Variants in DHTKD1 observed in about 807,000 individuals in gnomAD.
DHTKD1 encodes 2-oxoadipate dehydrogenase complex component E1.
In DHTKD1, 78 loss-of-function variants were observed where a neutral mutation model predicts 101.8. The ratio of observed to expected loss-of-function variants is 0.77; its 90% CI spans 0.64 to 0.93. The LOEUF is 0.93. Among genes scored for constraint, DHTKD1 ranks in the 40% least tolerant of loss-of-function variants. DHTKD1 has a pLI of 0.00. For missense variants in DHTKD1, 1,223 were observed against 1,161.7 expected (o/e 1.05, Z -0.77); for synonymous variants, 462 against 450.3 (o/e 1.03, Z -0.33).
rs995967919 is a variant in DHTKD1 at position 12,121,112 on chromosome 10, T to C, written c.*224T>C. ...GTGGGCACCTGTGATCCCAGCTTCC[T>C]GGGAGGCTGAGGCAAGAGAATCGCT... On this transcript the variant is annotated 3_prime_UTR_variant, in exon 17 of 17. Transcript: ENST00000263035. 3 of 400,646 alleles carry C rather than the reference T, an allele frequency of 7.5e-6. No individual in the cohort carries two copies. The highest frequency in any genetic ancestry group is 6.3e-5 in the South Asian group (3 of 47,522). 24.8% of individuals were successfully genotyped at this position (400,646 alleles called of 1,614,324 possible).
chr10:12,069,432 C>G (rs1438950227), intron 1 of DHTKD1, among the ~76,000 whole-genome samples: 1 of 151,908 alleles, frequency 6.6e-6, no homozygotes, highest in East Asian at 1.9e-4. Context: ...TCCCATCTTG[C>G]TGGTCCGGAC....
chr10:12,104,864 A>T (rs1833220449), intron 10 of DHTKD1, among the ~76,000 whole-genome samples: 2 of 150,346 alleles, frequency 1.3e-5, no homozygotes, highest in African/African-American at 4.9e-5. Context: ...TCAAACCAAG[A>T]TCAACAATTT....
intron 8 of DHTKD1, among the ~76,000 whole-genome samples, chr10:12,099,379 T>C (rs888570231): frequency 4.6e-5 from 7 of 152,050 alleles, no homozygotes; most frequent in Non-Finnish European, 1.5e-5. Flanking sequence ...CACGTGTTTG[T>C]TTTGCCTGTT....
intron 1 of DHTKD1, among the ~76,000 whole-genome samples, chr10:12,071,553 C>A (rs753857559): frequency 3.9e-5 from 6 of 152,134 alleles, no homozygotes; most frequent in Non-Finnish European, 7.4e-5. Context: ...GGGCGGATCA[C>A]CAGGTCAGGA....
chr10:12,072,329 G>A (rs1285124687), intron 1 of DHTKD1, among the ~76,000 whole-genome samples: 1 of 152,070 alleles, frequency 6.6e-6, no homozygotes, highest in Non-Finnish European at 1.5e-5. Flanking sequence ...TGACCTGGTG[G>A]TGTGTGCCTA....
At position 12,100,283 on chromosome 10, in the gene DHTKD1, TTCTG is replaced by T. The variant is rs781489771; in HGVS notation, c.1756+23_1756+26del. On this transcript the variant is annotated intron_variant, in intron 9 of 16. Coordinates refer to ENST00000263035, the MANE Select transcript of DHTKD1 (RefSeq NM_018706.7). ...TCAAGGTAAGAATTTTCTTTTTTTT[TTCTG>T]TTTTTTTTTTTTTTGAGTCTCACCC... 9 of 929,644 alleles carry T rather than the reference TTCTG, an allele frequency of 9.7e-6. No individual in the cohort carries two copies. In the African/African-American group the frequency reaches 1.8e-4, roughly 19 times the overall value. 57.6% of individuals were successfully genotyped at this position (929,644 alleles called of 1,614,324 possible).
Position 12,094,209 on chromosome 10 carries a change from G to A in DHTKD1, c.1296G>A (p.Gln432=), listed in dbSNP as rs1461664349. 5 of 1,614,098 alleles carry A rather than the reference G, an allele frequency of 3.1e-6. No homozygotes were observed. The highest frequency in any genetic ancestry group is 3.4e-6 in the Non-Finnish European group (4 of 1,180,052). Residue 432 remains glutamine (Q), a synonymous_variant, in exon 7 of 17, where the codon CAG becomes CAA. Transcript: ENST00000263035. ...DVIIDLLCYR[Q]WGHNELDEPF... ...TTATTGATCTGTTGTGCTACAGGCA[G>A]TGGGGCCACAATGAGCTGGATGAGC...
chr10:12,105,372 G>A (rs934108976), intron 10 of DHTKD1, among the ~76,000 whole-genome samples: 4 of 152,172 alleles, frequency 2.6e-5, no homozygotes, highest in Admixed American at 6.5e-5. Context: ...CTGGAGTGCA[G>A]TGGTGCGATT....
At chr10:12,117,420 G>T (rs951681255) in intron 13 of DHTKD1, among the ~76,000 whole-genome samples, 4 of 151,024 alleles carry the variant, frequency 2.6e-5, no homozygotes, top group Admixed American at 2.0e-4. Flanking sequence ...CTGGCCTCCA[G>T]CGATCCTCCT....
Position 12,122,955 on chromosome 10 carries a change from T to C in DHTKD1, c.*2067T>C, listed in dbSNP as rs555123426. 6.6e-6 allele frequency: 1 copy of C among 152,342 alleles called. No individual in the cohort carries two copies. The highest frequency in any genetic ancestry group is 2.4e-5 in the African/African-American group (1 of 41,588). 9.4% of individuals were successfully genotyped at this position (152,342 alleles called of 1,614,324 possible). On this transcript the variant is annotated 3_prime_UTR_variant, in exon 17 of 17. Transcript: ENST00000263035. Reference sequence around the variant, plus strand: ...ATGTCTTTCAGAATCCATGTACATATAGGCTGTTCTAGCCACAGTGGTAGA... The same window carrying C: ...ATGTCTTTCAGAATCCATGTACATACAGGCTGTTCTAGCCACAGTGGTAGA...
rs751037184 is a variant in DHTKD1, at chr10:12,094,120, G to A, written c.1207G>A (p.Glu403Lys). Residue 403 changes from glutamate (E) to lysine (K), a missense_variant, in exon 7 of 17, where the codon GAG (glutamate) becomes AAG (lysine). Glu to Lys is a moderately conservative substitution (Grantham distance 56). Transcript: ENST00000263035. ...CATCCATGTCAATGGAGACAGCCCA[G>A]AGGAAGTGGTCCGTGCCACACGACT... is the stretch of plus-strand genomic sequence containing the variant. The part of the protein sequence containing the change: ...AIIHVNGDSP[E>K]EVVRATRLAF... 2 of 1,614,122 alleles carry A rather than the reference G, an allele frequency of 1.2e-6. No individual in the cohort carries two copies. Among genetic ancestry groups the A allele is most frequent in the Non-Finnish European group, 1.7e-6 (2 of 1,180,026 alleles).
intron 13 of DHTKD1, among the ~76,000 whole-genome samples, chr10:12,113,668 A>G (rs184159027): frequency 3.5e-4 from 53 of 152,280 alleles, no homozygotes; most frequent in Non-Finnish European, 4.4e-5. Context: ...GCTCATGCCT[A>G]TAATTCCAGG....
intron 10 of DHTKD1, among the ~76,000 whole-genome samples, chr10:12,101,548 A>G (rs899199917): frequency 3.3e-5 from 5 of 152,210 alleles, no homozygotes; most frequent in East Asian, 1.9e-4. Flanking sequence ...CACATCCTCA[A>G]GGTTACCTGT....
chr10:12,074,947 G>C (rs1832703390), intron 1 of DHTKD1, among the ~76,000 whole-genome samples: 1 of 151,984 alleles, frequency 6.6e-6, no homozygotes, highest in South Asian at 2.1e-4. Context: ...CCAACATGGT[G>C]AAATCCCATC....
chr10:12,098,281 T>C (rs1833104951), intron 8 of DHTKD1, among the ~76,000 whole-genome samples: 1 of 152,184 alleles, frequency 6.6e-6, no homozygotes, highest in Non-Finnish European at 1.5e-5. Flanking sequence ...TACAAGAATG[T>C]CTGTTTTTAT....
At position 12,089,249 on chromosome 10, in the gene DHTKD1, C is replaced by T. The variant is rs1350182096; in HGVS notation, c.981C>T (p.Cys327=). ...CCCAGCCGGGGGACAGGGTCATTTG[C>T]TTACAGGTACTTGGAGCTTCTGAAA... The part of the protein sequence containing the change: ...NSAQPGDRVI[C]LQVHGDASFC... The change falls in exon 5 of 17, where the codon TGC becomes TGT. Residue 327 remains cysteine, a synonymous_variant. Coordinates refer to ENST00000263035, the MANE Select transcript of DHTKD1 (RefSeq NM_018706.7). 2 of 1,613,204 alleles carry T rather than the reference C, an allele frequency of 1.2e-6. No homozygotes were observed. The highest frequency in any genetic ancestry group is 2.2e-5 in the East Asian group (1 of 44,890).
At chr10:12,075,339 C>T (rs1266183280) in intron 1 of DHTKD1, among the ~76,000 whole-genome samples, 2 of 152,176 alleles carry the variant, frequency 1.3e-5, no homozygotes, top group African/African-American at 2.4e-5. Context: ...TCGCCATGCC[C>T]GGCTAATTTC....
chr10:12,108,065 A>G (rs1258006417), intron 12 of DHTKD1, 50 bp downstream of exon 12: 1 of 1,412,436 alleles, frequency 7.1e-7, no homozygotes, highest in African/African-American at 1.4e-5. Context: ...TGCTTCCTAG[A>G]GCTTTTCTAC....
At chr10:12,117,055 T>G (rs1205246638) in intron 13 of DHTKD1, among the ~76,000 whole-genome samples, 2 of 151,920 alleles carry the variant, frequency 1.3e-5, no homozygotes, top group African/African-American at 2.4e-5. Context: ...CAGGCTGGAG[T>G]GCAATGGTGC....
Sources: gnomAD v4.1 joint callset for allele counts (sites outside exome capture counted in the v4.1 genomes callset) on GRCh38, gnomAD v4.1.1 for gene constraint, MANE v1.5 for transcripts, NCBI Gene and HGNC (gene_info 2026-07-23, HGNC 2026-07-21) for gene names.